NTM: variants seen among roughly 807,000 people sequenced by gnomAD.
NTM encodes neurotrimin, also known as IgLON family member 2.
A neutral mutation model predicts 42.1 loss-of-function variants in NTM; 13 were observed. The ratio of observed to expected loss-of-function variants is 0.31; its 90% CI spans 0.20 to 0.49. The LOEUF (loss-of-function observed/expected upper bound fraction) is 0.49. Among genes scored for constraint, NTM ranks in the 20% least tolerant of loss-of-function variants. The probability of loss-of-function intolerance (pLI) is 0.99; values close to 1 mark genes in which losing one functional copy is unlikely to be tolerated. For synonymous variants in NTM, 187 were observed against 179.2 expected (o/e 1.04, Z -0.35); for missense variants, 373 against 452.8 (o/e 0.82, Z 1.60).
At chr11:131,656,273 G>T (rs1388352911) in intron 1 of NTM, among the ~76,000 whole-genome samples, 4 of 152,210 alleles carry the variant, frequency 2.6e-5, no homozygotes, top group Non-Finnish European at 5.9e-5. Context: ...AGTTACGGGG[G>T]TGGCTGGAGA....
chr11:132,109,567 C>G (rs371652131), intron 2 of NTM, among the ~76,000 whole-genome samples: 1 of 152,168 alleles, frequency 6.6e-6, no homozygotes, highest in South Asian at 2.1e-4. Context: ...CTGCTTAGAA[C>G]CTTTCATACT....
At chr11:131,824,868 C>A (rs2041944346) in intron 1 of NTM, among the ~76,000 whole-genome samples, 1 of 152,078 alleles carries the variant, frequency 6.6e-6, no homozygotes, top group African/African-American at 2.4e-5. Context: ...CTGTAAGAGG[C>A]AGAACTCTAG....
chr11:131,486,318 C>T (rs913121896), intron 1 of NTM, among the ~76,000 whole-genome samples: 10 of 152,152 alleles, frequency 6.6e-5, no homozygotes, highest in Non-Finnish European at 1.2e-4. Flanking sequence ...AGTCCCAGTT[C>T]CAGGCAGCAG....
intron 1 of NTM, among the ~76,000 whole-genome samples, chr11:131,881,574 G>T (rs144339080): frequency 6.6e-6 from 1 of 151,370 alleles, no homozygotes; most frequent in Admixed American, 6.6e-5. Flanking sequence ...AAAACACAGC[G>T]GAAAAAGTGC....
intron 2 of NTM, among the ~76,000 whole-genome samples, chr11:132,134,113 G>T (rs2067302844): frequency 6.6e-6 from 1 of 152,000 alleles, no homozygotes. Context: ...TTTGTAAACA[G>T]GGTCTCACCA....
intron 1 of NTM, among the ~76,000 whole-genome samples, chr11:131,781,517 T>C (rs1185650168): frequency 6.6e-6 from 1 of 152,176 alleles, no homozygotes; most frequent in Non-Finnish European, 1.5e-5. Context: ...TAATTTATTA[T>C]TGTTAAATGT....
intron 1 of NTM, among the ~76,000 whole-genome samples, chr11:131,434,773 T>C (rs1292012337): frequency 6.6e-6 from 1 of 152,272 alleles, no homozygotes; most frequent in Non-Finnish European, 1.5e-5. Context: ...TATTTCACTG[T>C]GAAGAAGCTC....
intron 4 of NTM, among the ~76,000 whole-genome samples, chr11:132,294,808 C>T (rs1342670797): frequency 1.3e-5 from 2 of 152,146 alleles, no homozygotes; most frequent in Non-Finnish European, 2.9e-5. Context: ...CTACTAATTA[C>T]AGACAGACAG....
chr11:132,254,370 T>C (rs528571918), intron 4 of NTM, among the ~76,000 whole-genome samples: 49 of 152,160 alleles, frequency 3.2e-4, no homozygotes, highest in African/African-American at 1.2e-3. Context: ...TATCTAGAAC[T>C]GTTGCTTTGT....
intron 1 of NTM, among the ~76,000 whole-genome samples, chr11:131,578,901 G>A (rs1424259711): frequency 6.6e-6 from 1 of 152,170 alleles, no homozygotes; most frequent in Non-Finnish European, 1.5e-5. Flanking sequence ...ATCCCATGCA[G>A]GAGGTTCACA....
At chr11:131,887,447 A>T (rs904167626) in intron 1 of NTM, among the ~76,000 whole-genome samples, 3 of 152,208 alleles carry the variant, frequency 2.0e-5, no homozygotes, top group African/African-American at 7.2e-5. Flanking sequence ...GCCATTCTTC[A>T]GGCACAAGTC....
intron 5 of NTM, among the ~76,000 whole-genome samples, chr11:132,309,024 T>C (rs2095194270): frequency 6.6e-6 from 1 of 152,222 alleles, no homozygotes; most frequent in Non-Finnish European, 1.5e-5. Flanking sequence ...ATTTATGTTG[T>C]CCATAAGATA....
intron 1 of NTM, among the ~76,000 whole-genome samples, chr11:131,383,758 T>G (rs1407017606): frequency 6.6e-6 from 1 of 152,190 alleles, no homozygotes; most frequent in Non-Finnish European, 1.5e-5. Flanking sequence ...TGACCACATT[T>G]GCAGTTGTAG....
chr11:131,874,563 G>A (rs1287924905), intron 1 of NTM, among the ~76,000 whole-genome samples: 1 of 152,084 alleles, frequency 6.6e-6, no homozygotes, highest in Non-Finnish European at 1.5e-5. Flanking sequence ...CCAGTTTTGA[G>A]GGTGGTAGTT....
intron 1 of NTM, chr11:131,911,223 A>C: frequency 7.2e-7 from 1 of 1,381,632 alleles, no homozygotes; most frequent in Non-Finnish European, 9.4e-7. Context: ...TCCCGGCGGA[A>C]GCAGCGAGGA....
chr11:132,098,249 A>G (rs1435711963), intron 2 of NTM, among the ~76,000 whole-genome samples: 1 of 149,770 alleles, frequency 6.7e-6, no homozygotes, highest in African/African-American at 2.5e-5. Flanking sequence ...GCATGAAAGA[A>G]CATGCTGTGC....
chr11:132,005,495 TTGAATGAG>T (rs987720834), intron 2 of NTM, among the ~76,000 whole-genome samples: 23 of 152,144 alleles, frequency 1.5e-4, no homozygotes, highest in African/African-American at 5.3e-4. Context: ...GAATAAATGA[TTGAATGAG>T]TGAAAGATGA....
chr11:131,669,946 G>T (rs1242221682), intron 1 of NTM, among the ~76,000 whole-genome samples: 1 of 152,220 alleles, frequency 6.6e-6, no homozygotes, highest in Non-Finnish European at 1.5e-5. Flanking sequence ...TTGAAGCAAA[G>T]ATGCTGGCAC....
At chr11:131,890,017 C>T (rs1167130257) in intron 1 of NTM, among the ~76,000 whole-genome samples, 1 of 152,126 alleles carries the variant, frequency 6.6e-6, no homozygotes, top group African/African-American at 2.4e-5. Context: ...TCTCAGCCCA[C>T]CCAAAGCTCA....
Sources: gnomAD v4.1 joint callset for allele counts (sites outside exome capture counted in the v4.1 genomes callset) on GRCh38, gnomAD v4.1.1 for gene constraint, MANE v1.5 for transcripts, NCBI Gene and HGNC (gene_info 2026-07-23, HGNC 2026-07-21) for gene names.